The following ITGB5 variants were observed in gnomAD, a reference collection of about 807,000 sequenced individuals.
ITGB5 encodes the protein integrin beta-5.
ITGB5 carries 38 observed loss-of-function variants against 84.8 expected under a neutral mutation model. The ratio of observed to expected loss-of-function variants is 0.45; its 90% CI spans 0.35 to 0.59. The LOEUF is 0.59. ITGB5 is among the 20% of genes least tolerant of loss of function. The pLI, the probability that ITGB5 is intolerant of heterozygous loss-of-function variation, is 0.01. For synonymous variants in ITGB5, 393 were observed against 414.4 expected (o/e 0.95, Z 0.63); for missense variants, 905 against 1,034.5 (o/e 0.87, Z 1.72).
intron 5 of ITGB5, among the ~76,000 whole-genome samples, chr3:124,839,802 T>C (rs1395769885): frequency 1.3e-5 from 2 of 152,240 alleles, no homozygotes; most frequent in African/African-American, 4.8e-5. Context: ...TCCATGTGTC[T>C]CTCTCAGACT....
chr3:124,900,311 C>T (rs1038958247), intron 1 of ITGB5, among the ~76,000 whole-genome samples: 51 of 152,170 alleles, frequency 3.4e-4, no homozygotes, highest in African/African-American at 1.1e-3. Flanking sequence ...AAAACAGTAC[C>T]TACTTCATAA....
At chr3:124,779,058 T>A (rs1489952992) in intron 10 of ITGB5, among the ~76,000 whole-genome samples, 1 of 152,166 alleles carries the variant, frequency 6.6e-6, no homozygotes, top group African/African-American at 2.4e-5. Flanking sequence ...GTCAGAAACA[T>A]CAGTGCTCTT....
chr3:124,877,880 G>A (rs558729376), intron 1 of ITGB5, among the ~76,000 whole-genome samples: 1 of 152,074 alleles, frequency 6.6e-6, no homozygotes, highest in East Asian at 1.9e-4. Flanking sequence ...GTCTTGCTTT[G>A]TTGCCCAAGC....
At chr3:124,841,336 C>T in intron 5 of ITGB5, 47 bp downstream of exon 5, 1 of 1,584,404 alleles carries the variant, frequency 6.3e-7, no homozygotes, top group Non-Finnish European at 8.6e-7. Flanking sequence ...CTGACGCTCT[C>T]TACCTTGACC....
chr3:124,841,561 A>C lies in ITGB5; in HGVS notation c.612-10T>G. 6.2e-7 allele frequency: 1 copy of C among 1,611,834 alleles called. No individual in the cohort carries two copies. Among genetic ancestry groups the C allele is most frequent in the Non-Finnish European group, 8.5e-7 (1 of 1,178,696 alleles). ...TGGAAACAACTTGTAACTAGAGAGGAAGAAGAGAAGAGTCACTTTTCCATC... is the reference window on the plus strand; with the variant it reads ...TGGAAACAACTTGTAACTAGAGAGGCAGAAGAGAAGAGTCACTTTTCCATC... On this transcript the variant is annotated splice_polypyrimidine_tract_variant and intron_variant, in intron 4 of 14. Transcript: ENST00000296181.
intron 1 of ITGB5, among the ~76,000 whole-genome samples, chr3:124,900,813 T>G (rs964095860): frequency 6.6e-6 from 1 of 152,224 alleles, no homozygotes; most frequent in African/African-American, 2.4e-5. Context: ...ATTTATCTCC[T>G]TTTTAATTTT....
chr3:124,859,304 C>T lies in ITGB5; in HGVS notation c.299G>A (p.Gly100Asp). The change falls in exon 3 of 15, where the codon GGC becomes GAC. Residue 100 changes from glycine to aspartate, a missense_variant. By Grantham distance (94) the Gly-to-Asp change is moderately conservative. This residue lies in a region of ITGB5 where 656 missense variants were observed against 734.7 expected (regional missense o/e 0.89). Coordinates refer to ENST00000296181, the MANE Select transcript of ITGB5 (RefSeq NM_002213.5). Reference sequence around the variant, plus strand: ...CTGAATGACGTCCCAGCCTGCAGAGCCCGAACCCTTGCTGCTGAGGGGCAG... The same window carrying T: ...CTGAATGACGTCCCAGCCTGCAGAGTCCGAACCCTTGCTGCTGAGGGGCAG... ...RSLPLSSKGS[G>D]SAGWDVIQMT... 6.2e-7 allele frequency: 1 copy of T among 1,614,116 alleles called. No homozygotes were observed. Among genetic ancestry groups the T allele is most frequent in the East Asian group, 2.2e-5 (1 of 44,874 alleles).
At chr3:124,882,712 T>C (rs775463642) in intron 1 of ITGB5, among the ~76,000 whole-genome samples, 9 of 152,050 alleles carry the variant, frequency 5.9e-5, no homozygotes, top group Non-Finnish European at 8.8e-5. Flanking sequence ...TGAGGGACAG[T>C]TGAGAATAAC....
rs142249843 is a variant in ITGB5, at chr3:124,778,855, G to C, written c.1694-4943C>G. ...GCTGAGGGCGAGGGTGTGGCCATGGGGAGATGCTGAAGCCTTAAGTTCCAA... is the reference window on the plus strand; with the variant it reads ...GCTGAGGGCGAGGGTGTGGCCATGGCGAGATGCTGAAGCCTTAAGTTCCAA... On this transcript the variant is annotated intron_variant, in intron 10 of 14. Transcript: ENST00000296181. Among the ~76,000 whole-genome samples the C allele has an allele frequency of 1.4e-4, 21 of 151,734 alleles. No individual in the cohort carries two copies. In the East Asian group the frequency reaches 4.1e-3, roughly 30 times the overall value.
chr3:124,867,437 T>C (rs1204266583), intron 2 of ITGB5, among the ~76,000 whole-genome samples: 5 of 152,200 alleles, frequency 3.3e-5, no homozygotes, highest in Non-Finnish European at 5.9e-5. Flanking sequence ...CTAAGTGCAA[T>C]CTCTCTGTCT....
At chr3:124,775,553 A>G (rs1024074756) in intron 10 of ITGB5, among the ~76,000 whole-genome samples, 1 of 152,256 alleles carries the variant, frequency 6.6e-6, no homozygotes, top group East Asian at 1.9e-4. Context: ...TACAATTGGT[A>G]TTTTTTAAAA....
intron 12 of ITGB5, among the ~76,000 whole-genome samples, chr3:124,768,276 C>T (rs1051224467): frequency 2.6e-5 from 4 of 152,188 alleles, no homozygotes; most frequent in African/African-American, 9.6e-5. Context: ...TAATTTCCCC[C>T]TCACCATTTA....
rs752324193 is a variant in ITGB5, at chr3:124,773,836, G to A, written c.1770C>T (p.Asp590=). ...CATCTCTGCCCCGGCATGTGCTGATGTCTGTCGAGCAGTTACAGTTGTCCC... is the reference window on the plus strand; with the variant it reads ...CATCTCTGCCCCGGCATGTGCTGATATCTGTCGAGCAGTTACAGTTGTCCC... ...YIGDNCNCST[D]ISTCRGRDGQ... is the part of the protein sequence containing the mutation. Residue 590 remains aspartate, a synonymous_variant, in exon 11 of 15, where the codon GAC becomes GAT. Coordinates refer to ENST00000296181, the MANE Select transcript of ITGB5 (RefSeq NM_002213.5). 1 of 1,614,158 alleles carries A rather than the reference G, an allele frequency of 6.2e-7. No individual in the cohort carries two copies. Among genetic ancestry groups the A allele is most frequent in the Non-Finnish European group, 8.5e-7 (1 of 1,180,042 alleles).
intron 1 of ITGB5, among the ~76,000 whole-genome samples, chr3:124,886,233 G>C (rs1020377930): frequency 6.6e-6 from 1 of 151,614 alleles, no homozygotes; most frequent in Admixed American, 6.6e-5. Flanking sequence ...CAAATCGCGG[G>C]ATAAAGTCGG....
At chr3:124,887,871 C>G, upstream of ITGB5, 1 of 241,376 alleles carries the variant, frequency 4.1e-6, no homozygotes, top group Non-Finnish European at 8.7e-6. Flanking sequence ...CAAGGGAGGG[C>G]GTGGTGGGGC....
In ITGB5 at chr3:124,844,559, C is replaced by CA. The variant is rs199633029; in HGVS notation, c.612-3009dup. 6.2e-3 allele frequency among the ~76,000 whole-genome samples: 916 copies of CA among 147,002 alleles called. 9 individuals are homozygous for CA. Among genetic ancestry groups the CA allele is most frequent in the African/African-American group, 0.021 (832 of 40,134 alleles). Reference sequence around the variant, plus strand: ...TGAGTAACAGAGCAAGACTCGGTCTCAAAAAAAAAAGGTAGGAAATGGGCA... The same window carrying CA: ...TGAGTAACAGAGCAAGACTCGGTCTCAAAAAAAAAAAGGTAGGAAATGGGCA... On this transcript the variant is annotated intron_variant, in intron 4 of 14. Transcript: ENST00000296181.
At chr3:124,861,623 G>T (rs1197471635) in intron 2 of ITGB5, among the ~76,000 whole-genome samples, 1 of 146,704 alleles carries the variant, frequency 6.8e-6, no homozygotes, top group African/African-American at 2.5e-5. Flanking sequence ...GTACAGTGGC[G>T]CAATCTCAGC....
intron 12 of ITGB5, 54 bp downstream of exon 12, chr3:124,768,959 C>G: frequency 7.0e-7 from 1 of 1,426,212 alleles, no homozygotes; most frequent in Non-Finnish European, 9.9e-7. Context: ...AAACTACCCT[C>G]CTCCCCAGGA....
Position 124,762,447 on chromosome 3 carries a change from TA to T in ITGB5, c.*1175del, listed in dbSNP as rs2063708643. On this transcript the variant is annotated 3_prime_UTR_variant, in exon 15 of 15. Coordinates refer to ENST00000296181, the MANE Select transcript of ITGB5 (RefSeq NM_002213.5). ...GAGAATCAGTTTCCTCTTCTGTACATAAGGGGAGAGGGTCAGTCAACCATCT... is the reference window on the plus strand; with the variant it reads ...GAGAATCAGTTTCCTCTTCTGTACATAGGGGAGAGGGTCAGTCAACCATCT... The T allele has an allele frequency of 6.6e-6, 1 of 152,118 alleles. No individual in the cohort carries two copies. Among genetic ancestry groups the T allele is most frequent in the Non-Finnish European group, 1.5e-5 (1 of 68,012 alleles). 9.4% of individuals were successfully genotyped at this position (152,118 alleles called of 1,614,324 possible). A position where few individuals can be genotyped will look rare whatever the true frequency, so the allele number is the denominator to read the frequency against.
Sources: allele counts gnomAD v4.1 joint callset (sites outside exome capture counted in the v4.1 genomes callset), GRCh38; gene constraint gnomAD v4.1.1; regional missense constraint gnomAD v4.1.1; transcripts MANE v1.5; gene names NCBI Gene and HGNC (gene_info 2026-07-23, HGNC 2026-07-21).